The following COLEC12 variants were observed in gnomAD, a reference collection of about 807,000 sequenced individuals.
COLEC12 encodes the protein collectin subfamily member 12.
In COLEC12, 33 loss-of-function variants were observed where a neutral mutation model predicts 71.1. That is an observed-to-expected ratio of 0.46 (90% CI 0.35 to 0.62). The LOEUF (loss-of-function observed/expected upper bound fraction) is 0.62. Ranked by LOEUF, COLEC12 falls within the 20% of genes least tolerant of loss-of-function variation. COLEC12 has a pLI of 0.00. For missense variants in COLEC12, 765 were observed against 916.1 expected, an observed-to-expected ratio of 0.84 and a Z score of 2.13; for synonymous variants, 350 against 353.0, an observed-to-expected ratio of 0.99 and a Z score of 0.10.
chr18:486,313 T>C (rs1263661191), intron 1 of COLEC12, among the ~76,000 whole-genome samples: 3 of 152,014 alleles, frequency 2.0e-5, no homozygotes, highest in Admixed American at 6.6e-5. Flanking sequence ...AGCCTCAGAG[T>C]AGCTGGGATT....
chr18:443,175 C>A (rs893735867), intron 2 of COLEC12, among the ~76,000 whole-genome samples: 88 of 152,254 alleles, frequency 5.8e-4, no homozygotes, highest in Non-Finnish European at 5.1e-4. Context: ...ATTCTCTTTC[C>A]AATTGCTTTG....
chr18:424,425 C>T (rs1916158420), intron 2 of COLEC12: 1 of 152,338 alleles, frequency 6.6e-6, no homozygotes, highest in East Asian at 1.9e-4. Context: ...CCATGTTGAT[C>T]TTGGCGTCCC....
In COLEC12 at chr18:346,537, C is replaced by T. The variant is rs772337277; in HGVS notation, c.1085G>A (p.Ser362Asn). 6.2e-7 allele frequency: 1 copy of T among 1,614,150 alleles called. No individual in the cohort carries two copies. The highest frequency in any genetic ancestry group is 1.1e-5 in the South Asian group (1 of 91,082). The change falls in exon 5 of 10, where the codon AGC becomes AAC. Residue 362 changes from serine to asparagine, a missense_variant. Ser to Asn is a conservative substitution (Grantham distance 46). Coordinates refer to ENST00000400256, the MANE Select transcript of COLEC12 (RefSeq NM_130386.3). The surrounding 1 kb of genome is among the most constrained non-coding windows in gnomAD (Gnocchi z 4.0). The stretch of plus-strand genomic sequence containing the variant: ...AGTGGTCCTGACTTCATTTAGATTG[C>T]TGGTCAGCGTCCGCAGGTGGTGGGC... ...YTAHHLRTLT[S>N]NLNEVRTTCT...
chr18:455,671 G>C (rs1425328903), intron 2 of COLEC12, among the ~76,000 whole-genome samples: 6 of 150,994 alleles, frequency 4.0e-5, no homozygotes, highest in Admixed American at 6.6e-5. Flanking sequence ...TGACAGGCCT[G>C]GGTGTGTGAC....
At chr18:466,258 A>G (rs565119603) in intron 2 of COLEC12, among the ~76,000 whole-genome samples, 1 of 151,096 alleles carries the variant, frequency 6.6e-6, no homozygotes, top group Admixed American at 6.6e-5. Flanking sequence ...AAAAACAAAT[A>G]AAAAATTTTT....
In COLEC12 at chr18:317,110, A is replaced by G. The variant is rs1474193445; in HGVS notation, c.*2935T>C. 1 of 152,194 alleles carries G rather than the reference A, an allele frequency of 6.6e-6. No homozygotes were observed. Among genetic ancestry groups the G allele is most frequent in the Non-Finnish European group, 1.5e-5 (1 of 68,064 alleles). 9.4% of individuals were successfully genotyped at this position (152,194 alleles called of 1,614,324 possible). On this transcript the variant is annotated 3_prime_UTR_variant, in exon 10 of 10. Coordinates refer to ENST00000400256, the MANE Select transcript of COLEC12 (RefSeq NM_130386.3). Reference sequence around the variant, plus strand: ...ATGGTGGCACGCACCTGTAGTCCCTAAGCTACTGCAGAGGCTGAGGCGGGA... The same window carrying G: ...ATGGTGGCACGCACCTGTAGTCCCTGAGCTACTGCAGAGGCTGAGGCGGGA...
At position 440,360 on chromosome 18, in the gene COLEC12, A is replaced by AACACAC. The variant is rs77004542; in HGVS notation, c.58+40341_58+40346dup. Among the ~76,000 whole-genome samples the AACACAC allele has an allele frequency of 1.1e-3, 126 of 118,848 alleles. 1 individual carries two copies. Among genetic ancestry groups the AACACAC allele is most frequent in the African/African-American group, 3.3e-3 (101 of 30,610 alleles). 78.0% of individuals were successfully genotyped at this position (118,848 alleles called of 152,430 possible). ...AAAGAAGTAGGTCTGAAATGTTCTCAACACACACACACACACATACACACA... is the reference window on the plus strand; with the variant it reads ...AAAGAAGTAGGTCTGAAATGTTCTCAACACACACACACACACACACACATACACACA... On this transcript the variant is annotated intron_variant, in intron 2 of 9. Coordinates refer to ENST00000400256, the MANE Select transcript of COLEC12 (RefSeq NM_130386.3).
chr18:388,076 TTTCATTTCTACCTTCTTGTCA>T (rs1455399749), intron 2 of COLEC12, among the ~76,000 whole-genome samples: 6 of 152,190 alleles, frequency 3.9e-5, no homozygotes, highest in African/African-American at 1.2e-4. Flanking sequence ...CTGCACCTTC[TTTCATTTCTACCTTCTTGTCA>T]AGGGGCTAAT....
At chr18:457,003 G>A (rs866428069) in intron 2 of COLEC12, among the ~76,000 whole-genome samples, 6 of 152,302 alleles carry the variant, frequency 3.9e-5, no homozygotes, top group Middle Eastern at 6.8e-3. Flanking sequence ...CTGCTTTTCC[G>A]CAGCATTTTC....
chr18:452,548 T>C (rs1916783485), intron 2 of COLEC12, among the ~76,000 whole-genome samples: 1 of 152,144 alleles, frequency 6.6e-6, no homozygotes, highest in African/African-American at 2.4e-5. Flanking sequence ...ACCACCACTA[T>C]CAAAGAGCAT....
At chr18:354,542 G>T (rs679325) in intron 3 of COLEC12, among the ~76,000 whole-genome samples, 89,243 of 151,912 alleles carry the variant, frequency 0.59, 26,691 homozygotes, top group African/African-American at 0.64. Context: ...TCTTTCTTTT[G>T]TAACGGAGAG....
At chr18:340,060 T>G (rs1821043300) in intron 5 of COLEC12, among the ~76,000 whole-genome samples, 1 of 126,154 alleles carries the variant, frequency 7.9e-6, no homozygotes. Context: ...GAAGCTACCC[T>G]TAGTGCCTGA....
At chr18:345,488 C>T (rs1040502974) in intron 5 of COLEC12, among the ~76,000 whole-genome samples, 1 of 152,208 alleles carries the variant, frequency 6.6e-6, no homozygotes, top group African/African-American at 2.4e-5. Context: ...GTTAAGATTA[C>T]AGGCATGAGC....
chr18:376,189 C>T (rs1443025676), intron 2 of COLEC12, among the ~76,000 whole-genome samples: 3 of 152,144 alleles, frequency 2.0e-5, no homozygotes, highest in Non-Finnish European at 2.9e-5. Context: ...CTGGTCCACC[C>T]CAGGGGGTGG....
intron 2 of COLEC12, among the ~76,000 whole-genome samples, chr18:415,383 A>T (rs564296927): frequency 6.6e-6 from 1 of 152,158 alleles, no homozygotes; most frequent in South Asian, 2.1e-4. Context: ...AGGCCTAGGG[A>T]TGAGGTAGCG....
intron 2 of COLEC12, among the ~76,000 whole-genome samples, chr18:409,438 G>A (rs182979792): frequency 6.6e-6 from 1 of 152,232 alleles, no homozygotes; most frequent in Admixed American, 6.5e-5. Flanking sequence ...GGAGGCTGAG[G>A]CAGGAGAATC....
chr18:333,313 C>A, intron 6 of COLEC12, 170 bp from the exon 7 acceptor site: 1 of 566,282 alleles, frequency 1.8e-6, no homozygotes, highest in East Asian at 3.0e-5. Context: ...AAGCATGACC[C>A]AAAGTGGACT....
intron 6 of COLEC12, chr18:333,366 G>C: frequency 2.3e-6 from 1 of 443,044 alleles, no homozygotes; most frequent in Non-Finnish European, 4.0e-6. Flanking sequence ...AAAGATCTTT[G>C]ACTGGGTCTT....
chr18:334,694 C>T (rs368007627), intron 6 of COLEC12, 48 bp downstream of exon 6: 19 of 1,433,308 alleles, frequency 1.3e-5, no homozygotes, highest in Non-Finnish European at 1.6e-5. Context: ...CAGTCTCAAG[C>T]ACATGCACTG....
Sources: gnomAD v4.1 joint callset for allele counts (sites outside exome capture counted in the v4.1 genomes callset) on GRCh38, gnomAD v4.1.1 for gene constraint, Gnocchi (gnomAD v3.1) non-coding constraint, MANE v1.5 for transcripts, NCBI Gene and HGNC (gene_info 2026-07-23, HGNC 2026-07-21) for gene names.